KMT5A: variants seen among roughly 807,000 people sequenced by gnomAD.
The protein encoded by KMT5A is lysine methyltransferase 5A, also known as N-lysine methyltransferase KMT5A.
In KMT5A, 6 loss-of-function variants were observed where a neutral mutation model predicts 40.6. The observed-to-expected ratio is 0.15, with a 90% CI of 0.08 to 0.29. The LOEUF (loss-of-function observed/expected upper bound fraction) is 0.29, where lower values mean the gene tolerates loss of function less well. Among genes scored for constraint, KMT5A ranks in the 10% least tolerant of loss-of-function variants. The pLI, the probability that KMT5A is intolerant of heterozygous loss-of-function variation, is 1.00. For synonymous variants in KMT5A, 153 were observed against 178.8 expected (o/e 0.86, Z 1.15); for missense variants, 308 against 459.1 (o/e 0.67, Z 3.01).
intron 3 of KMT5A, among the ~76,000 whole-genome samples, 188 bp from the exon 4 acceptor site, chr12:123,394,859 C>G (rs531470545): frequency 5.3e-5 from 8 of 152,124 alleles, no homozygotes; most frequent in Non-Finnish European, 1.2e-4. Context: ...GTCAAAAAAT[C>G]GAGCTGGAGC....
In KMT5A at chr12:123,389,531, C is replaced by T. The variant is rs1309240986; in HGVS notation, c.109C>T (p.Pro37Ser). The change falls in exon 2 of 8, where the codon CCG becomes TCG. Residue 37 changes from proline to serine, a missense_variant. This residue lies in a region of KMT5A where 92 missense variants were observed against 78.3 expected (regional missense o/e 1.18). Coordinates refer to ENST00000402868, the MANE Select transcript of KMT5A (RefSeq NM_020382.7). Reference protein sequence around the residue: ...PGPEMVERRGPGRPRTDGENV... With the variant: ...PGPEMVERRGSGRPRTDGENV... The stretch of plus-strand genomic sequence containing the variant: ...CCCGGAGATGGTGGAGCGGAGGGGC[C>T]CGGGGAGGCCCCGCACCGACGGGGT... The T allele has an allele frequency of 9.0e-7, 1 of 1,109,146 alleles. No homozygotes were observed. The highest frequency in any genetic ancestry group is 1.1e-6 in the Non-Finnish European group (1 of 913,262). 68.7% of individuals were successfully genotyped at this position (1,109,146 alleles called of 1,614,324 possible).
chr12:123,400,802 A>G (rs1878096981), intron 5 of KMT5A, among the ~76,000 whole-genome samples: 1 of 151,904 alleles, frequency 6.6e-6, no homozygotes, highest in Non-Finnish European at 1.5e-5. Flanking sequence ...TGTTGGTTGA[A>G]GTTTTTTTTT....
intron 4 of KMT5A, 116 bp downstream of exon 4, chr12:123,395,382 G>A: frequency 9.7e-7 from 1 of 1,030,514 alleles, no homozygotes; most frequent in Non-Finnish European, 1.4e-6. Context: ...CCTCTCTCAT[G>A]TCAAAGACTC....
intron 1 of KMT5A, among the ~76,000 whole-genome samples, chr12:123,387,699 T>A (rs1235533820): frequency 2.6e-5 from 4 of 152,168 alleles, no homozygotes; most frequent in Non-Finnish European, 5.9e-5. Context: ...CACCACCTAA[T>A]CCTACTCAGT....
chr12:123,407,074 G>A (rs1453115392), intron 7 of KMT5A, among the ~76,000 whole-genome samples: 2 of 146,180 alleles, frequency 1.4e-5, no homozygotes, highest in African/African-American at 2.5e-5. Context: ...CTGGTGGCTC[G>A]TGCTTGTAAT....
At chr12:123,406,899 AT>A (rs777935889) in intron 7 of KMT5A, among the ~76,000 whole-genome samples, 1 of 151,698 alleles carries the variant, frequency 6.6e-6, no homozygotes, top group Non-Finnish European at 1.5e-5. Context: ...CACGCTTCTA[AT>A]CCCAGTGACT....
Position 123,384,432 on chromosome 12 carries a change from T to A in KMT5A, c.10+224T>A, listed in dbSNP as rs1011785675. ...CCCTTCCCACTGCCGTGCTTCTGTT[T>A]CCCTTCTATGAAGTGAACACCTGCG... On this transcript the variant is annotated intron_variant, in intron 1 of 7. Transcript: ENST00000402868. This position sits in a 1 kb window ranked among gnomAD's most constrained non-coding sequence, Gnocchi z 5.7. Among the ~76,000 whole-genome samples the A allele has an allele frequency of 2.0e-4, 30 of 152,170 alleles. No homozygotes were observed. The highest frequency in any genetic ancestry group is 3.5e-4 in the Non-Finnish European group (24 of 68,010).
rs753611757 is a variant in KMT5A, at chr12:123,390,740, C to A, written c.243C>A (p.Val81=). 4 of 1,613,904 alleles carry A rather than the reference C, an allele frequency of 2.5e-6. No individual in the cohort carries two copies. The highest frequency in any genetic ancestry group is 3.4e-6 in the Non-Finnish European group (4 of 1,179,842). ...QEENSVTHHE[V]KCQGKPLAGI... ...AGAACTCAGTTACACATCACGAAGT[C>A]AAATGCCAGGGGAAACCATTAGCCG... The change falls in exon 3 of 8, where the codon GTC becomes GTA. Residue 81 remains valine, a synonymous_variant. Coordinates refer to ENST00000402868, the MANE Select transcript of KMT5A (RefSeq NM_020382.7).
At chr12:123,400,651 G>A (rs912477885) in intron 5 of KMT5A, among the ~76,000 whole-genome samples, 5 of 151,934 alleles carry the variant, frequency 3.3e-5, no homozygotes, top group Admixed American at 1.3e-4. Context: ...GAGCCACCGC[G>A]CCTGGCCAAT....
intron 5 of KMT5A, among the ~76,000 whole-genome samples, chr12:123,399,677 C>T (rs539837371): frequency 1.5e-4 from 23 of 152,268 alleles, no homozygotes; most frequent in African/African-American, 5.1e-4. Context: ...ACTAGACCAG[C>T]CCGTAGGGCT....
chr12:123,390,583 G>A (rs940495073), intron 2 of KMT5A, 47 bp from the exon 3 acceptor site: 10 of 1,601,900 alleles, frequency 6.2e-6, no homozygotes, highest in Non-Finnish European at 8.5e-6. Context: ...AATGCTCTAG[G>A]ATCTTCTTCT....
At chr12:123,406,251 C>T (rs759374638) in intron 7 of KMT5A, among the ~76,000 whole-genome samples, 1 of 152,226 alleles carries the variant, frequency 6.6e-6, no homozygotes, top group Non-Finnish European at 1.5e-5. Flanking sequence ...GCCAGAGCAG[C>T]TCTGGAAATC....
intron 1 of KMT5A, among the ~76,000 whole-genome samples, chr12:123,386,789 C>T (rs1263617179): frequency 6.6e-6 from 1 of 152,114 alleles, no homozygotes; most frequent in East Asian, 1.9e-4. Context: ...GTTGGTTGCC[C>T]TCCTCATTTT....
rs191704028 is a variant in KMT5A at position 123,403,513 on chromosome 12, A to G, written c.598-60A>G. 19 of 1,576,746 alleles carry G rather than the reference A, an allele frequency of 1.2e-5. No homozygotes were observed. In the East Asian group the frequency reaches 4.0e-4, roughly 33 times the overall value. ...GGGCAATCAGGGCTCAAGACCATCA[A>G]GCTACGCACGATGGGCCTAGGAGAA... On this transcript the variant is annotated intron_variant, in intron 5 of 7. Coordinates refer to ENST00000402868, the MANE Select transcript of KMT5A (RefSeq NM_020382.7).
chr12:123,396,478 C>A, intron 5 of KMT5A, 46 bp downstream of exon 5: 1 of 1,584,412 alleles, frequency 6.3e-7, no homozygotes, highest in Non-Finnish European at 8.7e-7. Context: ...GCAGGGTGGC[C>A]CACCAAGCAG....
chr12:123,394,585 G>A (rs968143721), intron 3 of KMT5A, among the ~76,000 whole-genome samples: 2 of 152,112 alleles, frequency 1.3e-5, no homozygotes, highest in African/African-American at 4.8e-5. Flanking sequence ...CCACTAGAAG[G>A]GGACCTTCTT....
chr12:123,406,171 A>G (rs1174476894), intron 7 of KMT5A, among the ~76,000 whole-genome samples: 24 of 152,092 alleles, frequency 1.6e-4, no homozygotes, highest in Non-Finnish European at 4.4e-5. Context: ...TATCTCATCC[A>G]AGGGGAGAAG....
At chr12:123,386,189 A>C (rs1404679237) in intron 1 of KMT5A, among the ~76,000 whole-genome samples, 1 of 149,746 alleles carries the variant, frequency 6.7e-6, no homozygotes, top group Non-Finnish European at 1.5e-5. Context: ...GCAAGCTATT[A>C]AATTGGATAT....
chr12:123,393,564 G>T (rs1219104907), intron 3 of KMT5A, among the ~76,000 whole-genome samples: 1 of 151,934 alleles, frequency 6.6e-6, no homozygotes, highest in East Asian at 1.9e-4. Context: ...TTTTGAGAAG[G>T]AGTCTCTCTC....
Sources: gnomAD v4.1 joint callset for allele counts (sites outside exome capture counted in the v4.1 genomes callset) on GRCh38, gnomAD v4.1.1 for gene constraint, gnomAD v4.1.1 regional missense constraint, Gnocchi (gnomAD v3.1) non-coding constraint, MANE v1.5 for transcripts, NCBI Gene and HGNC (gene_info 2026-07-23, HGNC 2026-07-21) for gene names.